Variants in ZNF768 observed in about 807,000 individuals in gnomAD.
ZNF768 encodes the protein zinc finger protein 768.
In ZNF768, 12 loss-of-function variants were observed where a neutral mutation model predicts 39.7. The ratio of observed to expected loss-of-function variants is 0.30; its 90% CI spans 0.19 to 0.49. ZNF768 has a LOEUF of 0.49. Ranked by LOEUF, ZNF768 falls within the 20% of genes least tolerant of loss-of-function variation. ZNF768 has a pLI of 0.99. For synonymous variants in ZNF768, 360 were observed against 288.4 expected, an observed-to-expected ratio of 1.25 and a Z score of -2.52; for missense variants, 613 against 723.2, an observed-to-expected ratio of 0.85 and a Z score of 1.75.
Position 30,524,358 on chromosome 16 carries a change from C to G in ZNF768, c.*159G>C. On this transcript the variant is annotated 3_prime_UTR_variant, in exon 2 of 2. Coordinates refer to ENST00000380412, the MANE Select transcript of ZNF768 (RefSeq NM_024671.4). Reference sequence around the variant, plus strand: ...TCCCTCCAACCCACTTCCCACAAGTCTCCAGGGCATGTCACTTCCTCCACC... The same window carrying G: ...TCCCTCCAACCCACTTCCCACAAGTGTCCAGGGCATGTCACTTCCTCCACC... The G allele has an allele frequency of 1.6e-6, 2 of 1,252,470 alleles. No homozygotes were observed. Among genetic ancestry groups the G allele is most frequent in the Non-Finnish European group, 2.1e-6 (2 of 933,142 alleles). The allele number at this position is 1,252,470 out of a possible 1,614,324, so 77.6% of individuals were successfully genotyped here.
Position 30,524,310 on chromosome 16 carries a change from G to C in ZNF768, c.*207C>G. On this transcript the variant is annotated 3_prime_UTR_variant, in exon 2 of 2. Transcript: ENST00000380412. The stretch of plus-strand genomic sequence containing the variant: ...GCTGACCTCTCTCCATTTCTCCCAG[G>C]GCCTCCCGCTGCCGGCCTGGCCTCC... 1.3e-6 allele frequency: 1 copy of C among 776,664 alleles called. No homozygotes were observed. 48.1% of individuals were successfully genotyped at this position (776,664 alleles called of 1,614,324 possible).
upstream of ZNF768, chr16:30,527,283 C>G (rs1205847228): frequency 5.1e-6 from 5 of 986,240 alleles, no homozygotes; most frequent in South Asian, 9.4e-5. Flanking sequence ...CGCCCGCTCC[C>G]GTTCCTCCGG....
upstream of ZNF768, chr16:30,531,482 T>C (rs2051373157): frequency 6.6e-6 from 1 of 152,218 alleles, no homozygotes; most frequent in African/African-American, 2.4e-5. Context: ...ACTGGTTTTT[T>C]AGGTTGTGCA....
chr16:30,524,421 C>T lies in ZNF768; in HGVS notation c.*96G>A. On this transcript the variant is annotated 3_prime_UTR_variant, in exon 2 of 2. Coordinates refer to ENST00000380412, the MANE Select transcript of ZNF768 (RefSeq NM_024671.4). Reference sequence around the variant, plus strand: ...TTCCAGCATCCTCAGCTCCTCCATTCTCCTGCGGCTTCTCCACTATCCTCC... The same window carrying T: ...TTCCAGCATCCTCAGCTCCTCCATTTTCCTGCGGCTTCTCCACTATCCTCC... 1 of 1,492,564 alleles carries T rather than the reference C, an allele frequency of 6.7e-7. No individual in the cohort carries two copies. The highest frequency in any genetic ancestry group is 8.9e-7 in the Non-Finnish European group (1 of 1,128,672). 92.5% of individuals were successfully genotyped at this position (1,492,564 alleles called of 1,614,324 possible).
At chr16:30,532,191 A>G in the ZNF768 span, 2 of 474,572 alleles carry the variant, frequency 4.2e-6, no homozygotes, top group Non-Finnish European at 7.5e-6. Context: ...CAGAGAAAAC[A>G]AGGTTCTTCT....
chr16:30,531,166 TA>T (rs1293269572), upstream of ZNF768: 1 of 152,196 alleles, frequency 6.6e-6, no homozygotes, highest in Admixed American at 6.5e-5. Context: ...TACTTTAAGA[TA>T]AACACCAAAA....
chr16:30,524,968 T>C lies in ZNF768; in HGVS notation c.1172A>G (p.His391Arg). 1 of 1,613,688 alleles carries C rather than the reference T, an allele frequency of 6.2e-7. No individual in the cohort carries two copies. Among genetic ancestry groups the C allele is most frequent in the South Asian group, 1.1e-5 (1 of 91,076 alleles). Residue 391 changes from histidine to arginine, a missense_variant, in exon 2 of 2, where the codon CAT becomes CGT. His to Arg is a conservative substitution (Grantham distance 29, BLOSUM62 0). Around this residue, in one of 4 missense-constraint regions of ZNF768, gnomAD observed 204 missense variants for 281.7 expected, o/e 0.72. Coordinates refer to ENST00000380412, the MANE Select transcript of ZNF768 (RefSeq NM_024671.4). ...CYSQNSSLRS[H>R]QRVHTGQRPF... The stretch of plus-strand genomic sequence containing the variant: ...CCTCTGACCGGTGTGCACCCTCTGA[T>C]GGCTGCGCAGGGACGAGTTCTGGCT...
chr16:30,525,867 AGGGCTTCGGGACTCAAACCCC>A lies in ZNF768; in HGVS notation c.252_272del (p.Phe86_Gly92del). On this transcript the variant is annotated inframe_deletion, in exon 2 of 2. Coordinates refer to ENST00000380412, the MANE Select transcript of ZNF768 (RefSeq NM_024671.4). ...ACTCAGGGCTTGGGGGCACAAGCCCAGGGCTTCGGGACTCAAACCCCGGGCTTTCAGGCTCAAATCTGGGGC... is the reference window on the plus strand; with the variant it reads ...ACTCAGGGCTTGGGGGCACAAGCCCAGGGCTTTCAGGCTCAAATCTGGGGC... The A allele has an allele frequency of 6.6e-7, 1 of 1,522,252 alleles. No homozygotes were observed. Among genetic ancestry groups the A allele is most frequent in the Non-Finnish European group, 8.8e-7 (1 of 1,139,142 alleles). The allele number at this position is 1,522,252 out of a possible 1,614,324, so 94.3% of individuals were successfully genotyped here.
the ZNF768 span, chr16:30,532,188 A>G: frequency 8.5e-6 from 4 of 468,082 alleles, no homozygotes; most frequent in African/African-American, 8.0e-5. Context: ...CAACAGAGAA[A>G]ACAAGGTTCT....
chr16:30,524,534 C>A lies in ZNF768; in HGVS notation c.1606G>T (p.Ala536Ser). 6.2e-7 allele frequency: 1 copy of A among 1,609,292 alleles called. No homozygotes were observed. Among genetic ancestry groups the A allele is most frequent in the East Asian group, 2.2e-5 (1 of 44,860 alleles). The change falls in exon 2 of 2, where the codon GCG (alanine) becomes TCG (serine). Residue 536 changes from alanine (A) to serine (S), a missense_variant. Ala to Ser is a moderately conservative substitution (Grantham distance 99, BLOSUM62 1). Around this residue, in one of 4 missense-constraint regions of ZNF768, gnomAD observed 204 missense variants for 281.7 expected, o/e 0.72. Transcript: ENST00000380412. ...SDLIRHQRTHAAGRR is the reference protein window; with the variant it reads ...SDLIRHQRTHSAGRR ...GCCCCAGGTCAGCGCCGGCCCGCCGCGTGGGTCCGCTGGTGGCGGATGAGG... is the reference window on the plus strand; with the variant it reads ...GCCCCAGGTCAGCGCCGGCCCGCCGAGTGGGTCCGCTGGTGGCGGATGAGG...
In ZNF768 at chr16:30,525,696, T is replaced by C. The variant is rs766635743; in HGVS notation, c.444A>G (p.Arg148=). The stretch of plus-strand genomic sequence containing the variant: ...TGAGCTCAGTGTTCTGGGATTCATA[T>C]CTAGAGCTCTCAGATTCATAGCCAG... ...RSPGYESESS[R]YESQNTELKT... The change falls in exon 2 of 2, where the codon AGA becomes AGG. Residue 148 remains arginine, a synonymous_variant. Transcript: ENST00000380412. 6 of 1,613,892 alleles carry C rather than the reference T, an allele frequency of 3.7e-6. No homozygotes were observed. The Admixed American group carries it at 1.0e-4, about 27-fold the overall frequency.
upstream of ZNF768, chr16:30,527,258 C>T (rs988081469): frequency 1.4e-5 from 14 of 986,072 alleles, no homozygotes; most frequent in Admixed American, 6.1e-5. Context: ...AACTCCGCTC[C>T]CCGGCACCTG....
In ZNF768 at chr16:30,524,236, T is replaced by G; in HGVS notation, c.*281A>C. 5.2e-5 allele frequency: 12 copies of G among 228,820 alleles called. No homozygotes were observed. The highest frequency in any genetic ancestry group is 6.0e-5 in the Non-Finnish European group (7 of 116,816). The allele number at this position is 228,820 out of a possible 1,614,324, so 14.2% of individuals were successfully genotyped here. A position where few individuals can be genotyped will look rare whatever the true frequency, so the allele number is the denominator to read the frequency against. On this transcript the variant is annotated 3_prime_UTR_variant, in exon 2 of 2. Transcript: ENST00000380412. ...CCCTCCCCCCTCCCTGCTCTAGCAG[T>G]TGCCAAGCCAGGCACCCACCAAGGA...
Position 30,526,495 on chromosome 16 carries a change from C to T in ZNF768, c.-82G>A, listed in dbSNP as rs1253555890. 1 of 1,250,660 alleles carries T rather than the reference C, an allele frequency of 8.0e-7. No individual in the cohort carries two copies. The highest frequency in any genetic ancestry group is 1.6e-5 in the African/African-American group (1 of 62,650). The allele number at this position is 1,250,660 out of a possible 1,614,324, so 77.5% of individuals were successfully genotyped here. A position where few individuals can be genotyped will look rare whatever the true frequency, so the allele number is the denominator to read the frequency against. On this transcript the variant is annotated 5_prime_UTR_variant, in exon 1 of 2. Coordinates refer to ENST00000380412, the MANE Select transcript of ZNF768 (RefSeq NM_024671.4). ...CCTCGGTTGCCCCGAGCCGCGGGCC[C>T]CCGCCTCCCGCCCGCTCAGCGCCGC...
upstream of ZNF768, among the ~76,000 whole-genome samples, chr16:30,530,050 C>T (rs1031040057): frequency 2.5e-4 from 38 of 151,976 alleles, 1 homozygote; most frequent in Non-Finnish European, 4.1e-4. This position sits in a 1 kb window ranked among gnomAD's most constrained non-coding sequence, Gnocchi z 4.4. Flanking sequence ...AGGATGGTCT[C>T]GGTCTCCTGA....
upstream of ZNF768, among the ~76,000 whole-genome samples, chr16:30,529,830 T>TG (rs2051354991): frequency 1.3e-5 from 2 of 150,030 alleles, no homozygotes; most frequent in African/African-American, 4.9e-5. Flanking sequence ...AGTTTTTTTT[T>TG]TTTTTTTTTT....
At position 30,526,341 on chromosome 16, in the gene ZNF768, C is replaced by T. The variant is rs775095059; in HGVS notation, c.73G>A (p.Glu25Lys). ...CCCTCCTCACCTCTGAGGTACCCTTCGGGGCTCCTCATTTCGTCAGAACTC... is the reference window on the plus strand; with the variant it reads ...CCCTCCTCACCTCTGAGGTACCCTTTGGGGCTCCTCATTTCGTCAGAACTC... The part of the protein sequence containing the change: ...VQSSDEMRSP[E>K]GYLRGNMSEN... Residue 25 changes from glutamate to lysine, a missense_variant, in exon 1 of 2, where the codon GAA becomes AAA. Physicochemically the swap from Glu to Lys is moderately conservative, Grantham distance 56. This residue lies in a region of ZNF768 where 347 missense variants were observed against 326.1 expected (regional missense o/e 1.06). Transcript: ENST00000380412. The T allele has an allele frequency of 1.9e-6, 3 of 1,608,814 alleles. No individual in the cohort carries two copies. Among genetic ancestry groups the T allele is most frequent in the East Asian group, 2.3e-5 (1 of 43,940 alleles).
Position 30,525,746 on chromosome 16 carries a change from T to C in ZNF768, c.394A>G (p.Ser132Gly), listed in dbSNP as rs370562932. The change falls in exon 2 of 2, where the codon AGC becomes GGC. Residue 132 changes from serine (S) to glycine (G), a missense_variant. Ser to Gly is a moderately conservative substitution (Grantham distance 56). Coordinates refer to ENST00000380412, the MANE Select transcript of ZNF768 (RefSeq NM_024671.4). ...EPQSPGYEPR[S>G]PGYEPRSPGY... Reference sequence around the variant, plus strand: ...GGGCTCCGGGGTTCATACCCGGGGCTCCGAGGTTCATAGCCAGGGCTTTGG... The same window carrying C: ...GGGCTCCGGGGTTCATACCCGGGGCCCCGAGGTTCATAGCCAGGGCTTTGG... The C allele has an allele frequency of 2.8e-5, 45 of 1,605,192 alleles. No homozygotes were observed. The highest frequency in any genetic ancestry group is 4.0e-5 in the African/African-American group (3 of 74,154).
chr16:30,526,716 G>A (rs2051330622), upstream of ZNF768: 22 of 795,480 alleles, frequency 2.8e-5, no homozygotes, highest in Non-Finnish European at 3.4e-5. Context: ...GCGGCCCCCG[G>A]CCCCCGCTCC....
Sources: allele counts gnomAD v4.1 joint callset (sites outside exome capture counted in the v4.1 genomes callset), GRCh38; gene constraint gnomAD v4.1.1; regional missense constraint gnomAD v4.1.1; non-coding constraint Gnocchi (gnomAD v3.1); transcripts MANE v1.5; gene names NCBI Gene and HGNC (gene_info 2026-07-23, HGNC 2026-07-21).